Variants in PDIA5 observed in about 807,000 individuals in gnomAD.
The protein encoded by PDIA5 is protein disulfide isomerase family A member 5, also known as protein disulfide-isomerase A5.
A neutral mutation model predicts 77.6 loss-of-function variants in PDIA5; 58 were observed. The observed-to-expected ratio is 0.75, with a 90% confidence interval of 0.61 to 0.93. The LOEUF (loss-of-function observed/expected upper bound fraction) is 0.93, where lower values mean the gene tolerates loss of function less well. Among genes scored for constraint, PDIA5 ranks in the 40% least tolerant of loss-of-function variants. The pLI, the probability that PDIA5 is intolerant of heterozygous loss-of-function variation, is 0.00. For missense variants in PDIA5, 630 were observed against 647.7 expected, an observed-to-expected ratio of 0.97 and a Z score of 0.30; for synonymous variants, 250 against 252.1, an observed-to-expected ratio of 0.99 and a Z score of 0.08.
chr3:123,068,514 G>C (rs1158972254), intron 1 of PDIA5, among the ~76,000 whole-genome samples: 1 of 152,222 alleles, frequency 6.6e-6, no homozygotes, highest in Non-Finnish European at 1.5e-5. Context: ...CCTGGAGCCA[G>C]TTGGTCTGGG....
intron 12 of PDIA5, 83 bp downstream of exon 12, chr3:123,145,675 C>A: frequency 8.3e-7 from 1 of 1,200,716 alleles, no homozygotes; most frequent in Non-Finnish European, 1.2e-6. Context: ...CCCCTGCAAG[C>A]CCTGCTGCAG....
intron 8 of PDIA5, among the ~76,000 whole-genome samples, chr3:123,119,854 CA>C (rs1253672109): frequency 6.6e-6 from 1 of 152,116 alleles, no homozygotes; most frequent in Non-Finnish European, 1.5e-5. Context: ...TGGCAAGGGT[CA>C]AAAATCTTCC....
At chr3:123,093,209 G>T (rs1934343838) in intron 3 of PDIA5, among the ~76,000 whole-genome samples, 1 of 152,158 alleles carries the variant, frequency 6.6e-6, no homozygotes, top group African/African-American at 2.4e-5. Flanking sequence ...ACAAAGCACT[G>T]AGTGAAACTA....
Position 123,126,530 on chromosome 3 carries a change from A to G in PDIA5, c.773+2187A>G, listed in dbSNP as rs139259261. Among the ~76,000 whole-genome samples the G allele has an allele frequency of 8.6e-5, 13 of 151,852 alleles. No individual in the cohort carries two copies. In the East Asian group the frequency reaches 1.9e-3, roughly 23 times the overall value. ...TAAACAAAAAGTCCTCCCCCACCCT[A>G]TTACCCAAAGATAGCATATTGTTAT... On this transcript the variant is annotated intron_variant, in intron 10 of 16. Transcript: ENST00000316218.
chr3:123,089,872 T>G (rs528095575), intron 2 of PDIA5, among the ~76,000 whole-genome samples: 68 of 152,376 alleles, frequency 4.5e-4, no homozygotes, highest in African/African-American at 1.6e-3. Flanking sequence ...CTGCCTCTCT[T>G]CTGACCTTGA....
chr3:123,094,815 C>T (rs1435978936), intron 3 of PDIA5, among the ~76,000 whole-genome samples: 2 of 152,234 alleles, frequency 1.3e-5, no homozygotes, highest in Non-Finnish European at 2.9e-5. Context: ...AGGCACCCAT[C>T]TCTCATCCTT....
chr3:123,151,225 T>G (rs1935885552), intron 14 of PDIA5, among the ~76,000 whole-genome samples: 1 of 152,222 alleles, frequency 6.6e-6, no homozygotes, highest in Non-Finnish European at 1.5e-5. Flanking sequence ...GCCCATCTCT[T>G]TCTGCCTTTC....
chr3:123,127,973 G>A (rs999278136), intron 10 of PDIA5, among the ~76,000 whole-genome samples: 1 of 152,150 alleles, frequency 6.6e-6, no homozygotes, highest in African/African-American at 2.4e-5. Flanking sequence ...TGGGGTAGGC[G>A]GGGAGTGAAA....
At chr3:123,139,029 A>G (rs906609383) in intron 11 of PDIA5, among the ~76,000 whole-genome samples, 2 of 152,222 alleles carry the variant, frequency 1.3e-5, no homozygotes, top group African/African-American at 2.4e-5. Flanking sequence ...GGTTGACAGG[A>G]AGCCAACATT....
At position 123,124,123 on chromosome 3, in the gene PDIA5, A is replaced by G; in HGVS notation, c.667A>G (p.Ser223Gly). The G allele has an allele frequency of 3.1e-6, 5 of 1,614,100 alleles. No homozygotes were observed. The highest frequency in any genetic ancestry group is 4.2e-6 in the Non-Finnish European group (5 of 1,179,946). Residue 223 changes from serine to glycine, a missense_variant, in exon 9 of 17, where the codon AGC becomes GGC. Physicochemically the swap from Ser to Gly is moderately conservative, Grantham distance 56. Coordinates refer to ENST00000316218, the MANE Select transcript of PDIA5 (RefSeq NM_006810.4). ...SEFENIKEEYSVRGFPTICYF... is the reference protein window; with the variant it reads ...SEFENIKEEYGVRGFPTICYF... ...ATTTGAAAACATCAAGGAGGAGTACAGCGTGCGCGGCTTCCCCACCATCTG... is the reference window on the plus strand; with the variant it reads ...ATTTGAAAACATCAAGGAGGAGTACGGCGTGCGCGGCTTCCCCACCATCTG...
chr3:123,103,005 A>G (rs1227458293), intron 5 of PDIA5, among the ~76,000 whole-genome samples: 5 of 152,242 alleles, frequency 3.3e-5, no homozygotes, highest in Non-Finnish European at 7.3e-5. Context: ...AGCTTTGGAA[A>G]TAGGTTTGTG....
chr3:123,072,412 C>G (rs559286328), intron 1 of PDIA5, among the ~76,000 whole-genome samples: 1 of 152,132 alleles, frequency 6.6e-6, no homozygotes, highest in Non-Finnish European at 1.5e-5. Flanking sequence ...GCAGTCATTG[C>G]CAGTTGTTGA....
chr3:123,073,402 C>T (rs1933777248), intron 1 of PDIA5, among the ~76,000 whole-genome samples: 1 of 152,164 alleles, frequency 6.6e-6, no homozygotes, highest in Admixed American at 6.5e-5. Flanking sequence ...AGCCATTTTC[C>T]AGGAGTGTCC....
chr3:123,110,786 G>A (rs1249935553), intron 6 of PDIA5, among the ~76,000 whole-genome samples, 158 bp from the exon 7 acceptor site: 1 of 152,068 alleles, frequency 6.6e-6, no homozygotes, highest in African/African-American at 2.4e-5. Context: ...GCCCCCACCC[G>A]CAAATCAGCT....
In PDIA5 at chr3:123,124,169, A is replaced by G. The variant is rs754757623; in HGVS notation, c.701+12A>G. On this transcript the variant is annotated intron_variant, in intron 9 of 16. Transcript: ENST00000316218. Reference sequence around the variant, plus strand: ...ATCTGCTATTTTGAGTACGTCCCCCACTTTCCTTCTAAAGCTCACCTCCCT... The same window carrying G: ...ATCTGCTATTTTGAGTACGTCCCCCGCTTTCCTTCTAAAGCTCACCTCCCT... The G allele has an allele frequency of 1.9e-6, 3 of 1,609,002 alleles. No homozygotes were observed. The highest frequency in any genetic ancestry group is 1.1e-5 in the South Asian group (1 of 90,978).
Position 123,094,484 on chromosome 3 carries a change from C to G in PDIA5, c.257+2042C>G, listed in dbSNP as rs1406123543. Among the ~76,000 whole-genome samples, 3 of 152,358 alleles carry G rather than the reference C, an allele frequency of 2.0e-5. 1 individual carries two copies. The South Asian group carries it at 6.2e-4, about 32-fold the overall frequency. On this transcript the variant is annotated intron_variant, in intron 3 of 16. Transcript: ENST00000316218. ...GAGATCTCCAAGAACCCAGCTCCTG[C>G]CCTCCAGTTCATTCACTCCTGCTCC... is the stretch of plus-strand genomic sequence containing the variant.
intron 11 of PDIA5, among the ~76,000 whole-genome samples, chr3:123,141,616 G>C (rs569540193): frequency 6.6e-6 from 1 of 152,236 alleles, no homozygotes; most frequent in African/African-American, 2.4e-5. Flanking sequence ...AGAGTGGGGG[G>C]CTCACCTTGG....
chr3:123,158,117 C>T (rs1392903181), intron 15 of PDIA5, among the ~76,000 whole-genome samples: 1 of 152,214 alleles, frequency 6.6e-6, no homozygotes, highest in Non-Finnish European at 1.5e-5. Context: ...CCTTGAACTC[C>T]CCACAGTCAT....
At chr3:123,128,696 G>T (rs1404937256) in intron 10 of PDIA5, among the ~76,000 whole-genome samples, 6 of 151,800 alleles carry the variant, frequency 4.0e-5, no homozygotes, top group African/African-American at 1.5e-4. Context: ...TCATATTTTT[G>T]TAGAGATGGA....
Sources: gnomAD v4.1 joint callset for allele counts (sites outside exome capture counted in the v4.1 genomes callset) on GRCh38, gnomAD v4.1.1 for gene constraint, MANE v1.5 for transcripts, NCBI Gene and HGNC (gene_info 2026-07-23, HGNC 2026-07-21) for gene names.